The following KCNT2 variants were observed in gnomAD, a reference collection of about 807,000 sequenced individuals.
The protein encoded by KCNT2 is potassium channel subfamily T member 2.
KCNT2 carries 67 observed loss-of-function variants against 153.8 expected under a neutral mutation model. The ratio of observed to expected loss-of-function variants is 0.44; its 90% CI spans 0.36 to 0.53. The LOEUF is 0.53. Ranked by LOEUF, KCNT2 falls within the 20% of genes least tolerant of loss-of-function variation. KCNT2 has a pLI of 0.00. For missense variants in KCNT2, 975 were observed against 1,354.8 expected (o/e 0.72, Z 4.40); for synonymous variants, 500 against 458.8 (o/e 1.09, Z -1.15).
intron 8 of KCNT2, among the ~76,000 whole-genome samples, chr1:196,431,689 G>A (rs747428482): frequency 1.3e-5 from 2 of 152,090 alleles, no homozygotes; most frequent in African/African-American, 2.4e-5. Context: ...CAAAGTGTTC[G>A]AGGCGATGTA....
chr1:196,280,448 T>C (rs989651173), intron 25 of KCNT2, among the ~76,000 whole-genome samples: 1 of 152,244 alleles, frequency 6.6e-6, no homozygotes, highest in Non-Finnish European at 1.5e-5. Context: ...AAATTATCTT[T>C]GCTTTGCTTC....
chr1:196,365,365 T>C (rs1428248760), intron 14 of KCNT2, among the ~76,000 whole-genome samples: 1 of 151,942 alleles, frequency 6.6e-6, no homozygotes, highest in Non-Finnish European at 1.5e-5. Flanking sequence ...GACAAAAGAG[T>C]TTTATACTTC....
chr1:196,354,202 T>A (rs1157254765), intron 14 of KCNT2, among the ~76,000 whole-genome samples: 2 of 151,848 alleles, frequency 1.3e-5, no homozygotes, highest in Non-Finnish European at 2.9e-5. Flanking sequence ...AAGCACTGCC[T>A]TTAAAATTGT....
At chr1:196,340,840 T>G (rs538543820) in intron 15 of KCNT2, among the ~76,000 whole-genome samples, 1 of 152,042 alleles carries the variant, frequency 6.6e-6, no homozygotes, top group South Asian at 2.1e-4. Flanking sequence ...TAACATTATT[T>G]TGCGAATTTT....
chr1:196,492,311 A>G lies in KCNT2; in HGVS notation c.126T>C (p.Asn42=), dbSNP rs752840132. 2.1e-6 allele frequency: 3 copies of G among 1,436,888 alleles called. No homozygotes were observed. The Admixed American group carries it at 7.3e-5, about 35-fold the overall frequency. The allele number at this position is 1,436,888 out of a possible 1,614,324, so 89.0% of individuals were successfully genotyped here. ...ATAATTTTAGTCTTTCTTTAAATGT[A>G]TTTTCATTCATATAGAATTCAACTT... ...RVQVEFYMNE[N]TFKERLKLFF... is the part of the protein sequence containing the mutation. The change falls in exon 2 of 28, where the codon AAT becomes AAC. Residue 42 remains asparagine, a synonymous_variant. Coordinates refer to ENST00000294725, the MANE Select transcript of KCNT2 (RefSeq NM_198503.5).
intron 16 of KCNT2, among the ~76,000 whole-genome samples, chr1:196,336,282 T>C (rs1261999556): frequency 2.0e-5 from 3 of 152,086 alleles, no homozygotes; most frequent in African/African-American, 4.8e-5. Context: ...TTAGCTTTTG[T>C]AATTATTACT....
chr1:196,606,669 AAAC>A (rs1558130852), intron 1 of KCNT2, among the ~76,000 whole-genome samples: 1 of 152,172 alleles, frequency 6.6e-6, no homozygotes, highest in Non-Finnish European at 1.5e-5. Context: ...TAAAACAAAC[AAAC>A]AACAATACCA....
chr1:196,606,432 CTTATT>C (rs1665330303), intron 1 of KCNT2, among the ~76,000 whole-genome samples: 1 of 152,142 alleles, frequency 6.6e-6, no homozygotes, highest in African/African-American at 2.4e-5. Context: ...TATTTAATAA[CTTATT>C]TTAGTAGTAA....
chr1:196,375,654 T>G (rs1668898630), intron 13 of KCNT2, among the ~76,000 whole-genome samples: 1 of 151,680 alleles, frequency 6.6e-6, no homozygotes. Flanking sequence ...AGAATTAGAA[T>G]ATTATACTAA....
chr1:196,537,066 C>T (rs2148862932), intron 1 of KCNT2, among the ~76,000 whole-genome samples: 1 of 152,294 alleles, frequency 6.6e-6, no homozygotes, highest in East Asian at 1.9e-4. Flanking sequence ...ACATGCACAT[C>T]CAGTTCAAAT....
At chr1:196,487,557 T>G (rs920110943) in intron 3 of KCNT2, among the ~76,000 whole-genome samples, 2 of 151,874 alleles carry the variant, frequency 1.3e-5, no homozygotes, top group Admixed American at 1.3e-4. Flanking sequence ...GCTTTTAAAT[T>G]TTTGAGATTT....
intron 9 of KCNT2, among the ~76,000 whole-genome samples, chr1:196,429,282 T>C (rs1349173902): frequency 6.6e-6 from 1 of 151,992 alleles, no homozygotes; most frequent in Non-Finnish European, 1.5e-5. Context: ...TTAAAAACTA[T>C]GTTATTCTAT....
intron 26 of KCNT2, among the ~76,000 whole-genome samples, chr1:196,238,276 G>A (rs1654622468): frequency 6.6e-6 from 1 of 151,878 alleles, no homozygotes; most frequent in East Asian, 1.9e-4. Context: ...TAAAAATTGT[G>A]TAGATAATTG....
At chr1:196,322,434 C>T (rs1485221078) in intron 19 of KCNT2, among the ~76,000 whole-genome samples, 1 of 151,470 alleles carries the variant, frequency 6.6e-6, no homozygotes, top group Non-Finnish European at 1.5e-5. Flanking sequence ...TGAAACTAAC[C>T]GGTAATAAAC....
chr1:196,403,560 T>C (rs1225145335), intron 12 of KCNT2, among the ~76,000 whole-genome samples: 3 of 151,588 alleles, frequency 2.0e-5, no homozygotes, highest in East Asian at 1.9e-4. Flanking sequence ...TGGGTTTTAG[T>C]TAAATAATTT....
In KCNT2 at chr1:196,310,207, G is replaced by C. The variant is rs7552851; in HGVS notation, c.2484-4862C>G. Reference sequence around the variant, plus strand: ...AGCTATATATTACACTATAAATTCTGATTTGCCATGGTAGCTGGAAATAAT... The same window carrying C: ...AGCTATATATTACACTATAAATTCTCATTTGCCATGGTAGCTGGAAATAAT... On this transcript the variant is annotated intron_variant, in intron 21 of 27. Coordinates refer to ENST00000294725, the MANE Select transcript of KCNT2 (RefSeq NM_198503.5). Among the ~76,000 whole-genome samples the C allele has an allele frequency of 4.5e-3, 691 of 151,876 alleles. 4 individuals carry two copies. Among genetic ancestry groups the C allele is most frequent in the African/African-American group, 0.015 (625 of 41,494 alleles).
chr1:196,336,226 C>T (rs956483728), intron 16 of KCNT2, among the ~76,000 whole-genome samples: 2 of 152,060 alleles, frequency 1.3e-5, no homozygotes, highest in African/African-American at 2.4e-5. Context: ...CTAGTAATGG[C>T]TTTTTCTACT....
At chr1:196,354,128 T>TAAGCACC (rs1666983202) in intron 14 of KCNT2, among the ~76,000 whole-genome samples, 1 of 151,866 alleles carries the variant, frequency 6.6e-6, no homozygotes, top group Non-Finnish European at 1.5e-5. Flanking sequence ...TTTTCATATT[T>TAAGCACC]TCTTTATGTA....
At position 196,340,465 on chromosome 1, in the gene KCNT2, A is replaced by G; in HGVS notation, c.1659T>C (p.Ile553=). 6.2e-7 allele frequency: 1 copy of G among 1,611,432 alleles called. No individual in the cohort carries two copies. Among genetic ancestry groups the G allele is most frequent in the Non-Finnish European group, 8.5e-7 (1 of 1,178,068 alleles). ...CTGAATTCTCTTCTTTGGTAATATTAATATAAAAGCATATGTCTGTAGAAT... is the reference window on the plus strand; with the variant it reads ...CTGAATTCTCTTCTTTGGTAATATTGATATAAAAGCATATGTCTGTAGAAT... ...IMNSTDICFY[I]NITKEENSAF... Residue 553 remains isoleucine, a synonymous_variant, in exon 16 of 28, where the codon ATT becomes ATC. Transcript: ENST00000294725.
Sources: allele counts gnomAD v4.1 joint callset (sites outside exome capture counted in the v4.1 genomes callset), GRCh38; gene constraint gnomAD v4.1.1; transcripts MANE v1.5; gene names NCBI Gene and HGNC (gene_info 2026-07-23, HGNC 2026-07-21).